PPFIA2: variants seen among roughly 807,000 people sequenced by gnomAD.
The protein encoded by PPFIA2 is PPFI scaffold protein A2.
In PPFIA2, 46 loss-of-function variants were observed where a neutral mutation model predicts 175.5. The observed-to-expected ratio is 0.26, with a 90% CI of 0.21 to 0.34. The LOEUF is 0.34. Ranked by LOEUF, PPFIA2 falls within the 10% of genes least tolerant of loss-of-function variation. PPFIA2 has a pLI of 1.00. For missense variants in PPFIA2, 1,179 were observed against 1,506.1 expected (o/e 0.78, Z 3.60); for synonymous variants, 568 against 511.4 (o/e 1.11, Z -1.49).
At chr12:81,307,820 A>G in intron 22 of PPFIA2, among the ~76,000 whole-genome samples, 1 of 152,114 alleles carries the variant, frequency 6.6e-6, no homozygotes, top group East Asian at 1.9e-4. Flanking sequence ...CTCAACTAAC[A>G]CAAATATTTG....
At chr12:81,554,691 G>A (rs1183938748) in intron 4 of PPFIA2, among the ~76,000 whole-genome samples, 1 of 152,024 alleles carries the variant, frequency 6.6e-6, no homozygotes, top group Non-Finnish European at 1.5e-5. Flanking sequence ...GTAGTGAATA[G>A]TTTCTTAGAA....
intron 4 of PPFIA2, among the ~76,000 whole-genome samples, chr12:81,647,240 GA>G (rs2066246850): frequency 6.6e-6 from 1 of 152,108 alleles, no homozygotes. Flanking sequence ...CAGTGAACTT[GA>G]AAATGGGTTA....
chr12:81,693,506 A>G (rs758024248), intron 3 of PPFIA2, among the ~76,000 whole-genome samples: 29 of 152,140 alleles, frequency 1.9e-4, no homozygotes, highest in Non-Finnish European at 3.2e-4. Context: ...AGATGCCCAC[A>G]CCATGCTCCT....
chr12:81,563,984 T>A (rs186869332), intron 4 of PPFIA2, among the ~76,000 whole-genome samples: 131 of 152,282 alleles, frequency 8.6e-4, no homozygotes, highest in Non-Finnish European at 1.0e-3. Flanking sequence ...TATCATTGTG[T>A]CCAAGTATAT....
chr12:81,607,279 A>G (rs2060427322), intron 4 of PPFIA2, among the ~76,000 whole-genome samples: 1 of 152,064 alleles, frequency 6.6e-6, no homozygotes, highest in Admixed American at 6.6e-5. Context: ...TGCTTTGGCT[A>G]TTTGGGCTCT....
chr12:81,525,303 T>C (rs1243439643), intron 4 of PPFIA2, among the ~76,000 whole-genome samples: 1 of 151,964 alleles, frequency 6.6e-6, no homozygotes, highest in East Asian at 1.9e-4. Flanking sequence ...GGTGAAGAGG[T>C]GAAAAGATTT....
intron 22 of PPFIA2, among the ~76,000 whole-genome samples, chr12:81,307,320 G>A (rs2049509517): frequency 6.6e-6 from 1 of 152,088 alleles, no homozygotes; most frequent in Admixed American, 6.5e-5. Context: ...ATCTTTCTCT[G>A]GATGTTCTAG....
chr12:81,679,856 C>A (rs2073276389), intron 3 of PPFIA2, among the ~76,000 whole-genome samples: 1 of 151,840 alleles, frequency 6.6e-6, no homozygotes, highest in South Asian at 2.1e-4. Flanking sequence ...CATAAGTGTG[C>A]ATGGATACAT....
At chr12:81,598,074 T>A in intron 4 of PPFIA2, 2 of 1,534,188 alleles carry the variant, frequency 1.3e-6, no homozygotes, top group Non-Finnish European at 1.7e-6. Flanking sequence ...GAGCTACAGA[T>A]GCAGAGCAGA....
chr12:81,457,832 C>A lies in PPFIA2; in HGVS notation c.338G>T (p.Cys113Phe). The part of the protein sequence containing the change: ...FAALTKELNA[C>F]REQLLEKEEE... The stretch of plus-strand genomic sequence containing the variant: ...TTCCTTTTCTAGAAGTTGTTCCCTG[C>A]AGGCATTTAATTCTTTTGTCAGTGC... The change falls in exon 5 of 33, where the codon TGC becomes TTC. Residue 113 changes from cysteine to phenylalanine, a missense_variant. Cys to Phe is a radical substitution (Grantham distance 205, BLOSUM62 -2). This residue lies in a region of PPFIA2 where 128 missense variants were observed against 141.4 expected (regional missense o/e 0.91). Coordinates refer to ENST00000549396, the MANE Select transcript of PPFIA2 (RefSeq NM_003625.5). 1 of 1,608,870 alleles carries A rather than the reference C, an allele frequency of 6.2e-7. No individual in the cohort carries two copies. The highest frequency in any genetic ancestry group is 8.5e-7 in the Non-Finnish European group (1 of 1,177,734).
rs1004122794 is a variant in PPFIA2 at position 81,659,570 on chromosome 12, G to A, written c.303+17221C>T. Among the ~76,000 whole-genome samples, 3 of 152,190 alleles carry A rather than the reference G, an allele frequency of 2.0e-5. No individual in the cohort carries two copies. The South Asian group carries it at 6.2e-4, about 32-fold the overall frequency. ...AAAGCAGCGGGGAAGCTAGAACTGG[G>A]TGGAGCCCACTGCAGCTCAAGGAGG... On this transcript the variant is annotated intron_variant, in intron 4 of 32. Coordinates refer to ENST00000549396, the MANE Select transcript of PPFIA2 (RefSeq NM_003625.5).
intron 8 of PPFIA2, among the ~76,000 whole-genome samples, chr12:81,395,554 C>G (rs541498190): frequency 6.6e-6 from 1 of 151,686 alleles, no homozygotes; most frequent in South Asian, 2.1e-4. Flanking sequence ...CTCCCTTTCT[C>G]TCTCTCTCTC....
rs186266361 is a variant in PPFIA2, at chr12:81,307,312, C to T, written c.2643-7930G>A. Among the ~76,000 whole-genome samples the T allele has an allele frequency of 2.8e-3, 414 of 147,584 alleles. 1 individual carries two copies. The highest frequency in any genetic ancestry group is 4.5e-3 in the Non-Finnish European group (309 of 67,992). On this transcript the variant is annotated intron_variant, in intron 22 of 32. Transcript: ENST00000549396. ...TTTGTTCTTCAACCGTATCATGCAT[C>T]TTTCTCTGGATGTTCTAGTCAAGAA...
intron 4 of PPFIA2, among the ~76,000 whole-genome samples, chr12:81,497,555 T>C (rs896543060): frequency 6.8e-6 from 1 of 148,048 alleles, no homozygotes; most frequent in African/African-American, 2.5e-5. Flanking sequence ...TTTTTTTTTT[T>C]TGGGGCAGAG....
At chr12:81,326,253 G>C (rs1444787350) in intron 21 of PPFIA2, among the ~76,000 whole-genome samples, 1 of 152,050 alleles carries the variant, frequency 6.6e-6, no homozygotes, top group African/African-American at 2.4e-5. Flanking sequence ...AACACGTTAA[G>C]TATTTGCAAT....
At chr12:81,473,011 A>G (rs1465691591) in intron 4 of PPFIA2, 2 of 152,244 alleles carry the variant, frequency 1.3e-5, no homozygotes, top group African/African-American at 4.8e-5. Flanking sequence ...AAAGACTCAT[A>G]GTAGGAATAA....
rs576145957 is a variant in PPFIA2 at position 81,258,225 on chromosome 12, C to G, written c.*1469G>C. On this transcript the variant is annotated 3_prime_UTR_variant, in exon 33 of 33. Coordinates refer to ENST00000549396, the MANE Select transcript of PPFIA2 (RefSeq NM_003625.5). ...TTTCCTGATAGTTTAAGTAAATTGT[C>G]GAGCCTTATGTGACTAGAAAACAAA... is the stretch of plus-strand genomic sequence containing the variant. 1 of 151,992 alleles carries G rather than the reference C, an allele frequency of 6.6e-6. No individual in the cohort carries two copies. The highest frequency in any genetic ancestry group is 2.4e-5 in the African/African-American group (1 of 41,398). The allele number at this position is 151,992 out of a possible 1,614,324, so 9.4% of individuals were successfully genotyped here.
Position 81,316,920 on chromosome 12 carries a change from G to C in PPFIA2, c.2642+8857C>G, listed in dbSNP as rs201046795. Among the ~76,000 whole-genome samples the C allele has an allele frequency of 2.7e-5, 4 of 149,584 alleles. No individual in the cohort carries two copies. In the East Asian group the frequency reaches 7.9e-4, roughly 29 times the overall value. On this transcript the variant is annotated intron_variant, in intron 22 of 32. Transcript: ENST00000549396. ...ACTAAATAATTCCAAGGAAAACTGG[G>C]CTCTGGAGATCTACATTTTTGTATA... is the stretch of plus-strand genomic sequence containing the variant.
intron 19 of PPFIA2, among the ~76,000 whole-genome samples, chr12:81,344,318 G>A (rs1459068640): frequency 4.0e-5 from 6 of 149,952 alleles, no homozygotes; most frequent in East Asian, 1.9e-4. Flanking sequence ...TGAAAACAAC[G>A]AGCATTATTT....
Sources: gnomAD v4.1 joint callset for allele counts (sites outside exome capture counted in the v4.1 genomes callset) on GRCh38, gnomAD v4.1.1 for gene constraint, gnomAD v4.1.1 regional missense constraint, MANE v1.5 for transcripts, NCBI Gene and HGNC (gene_info 2026-07-23, HGNC 2026-07-21) for gene names.